Variants in CNTNAP2 observed in about 807,000 individuals in gnomAD.
CNTNAP2 encodes the protein contactin associated protein 2.
A neutral mutation model predicts 155.2 loss-of-function variants in CNTNAP2; 98 were observed. The ratio of observed to expected loss-of-function variants is 0.63; its 90% CI spans 0.54 to 0.75. The LOEUF is 0.75. Among genes scored for constraint, CNTNAP2 ranks in the 30% least tolerant of loss-of-function variants. The probability of loss-of-function intolerance (pLI) is 0.00; values close to 1 mark genes in which losing one functional copy is unlikely to be tolerated. For missense variants in CNTNAP2, 1,727 were observed against 1,688.1 expected, an observed-to-expected ratio of 1.02 and a Z score of -0.40; for synonymous variants, 651 against 631.2, an observed-to-expected ratio of 1.03 and a Z score of -0.47.
At position 147,569,753 on chromosome 7, in the gene CNTNAP2, A is replaced by C. The variant is rs1480996820; in HGVS notation, c.1897+7496A>C. On this transcript the variant is annotated intron_variant, in intron 12 of 23. Coordinates refer to ENST00000361727, the MANE Select transcript of CNTNAP2 (RefSeq NM_014141.6). Reference sequence around the variant, plus strand: ...TTATTAAGTGACACATGACTGTACTATTTTCCTTAGCAGTTTACAGTAATA... The same window carrying C: ...TTATTAAGTGACACATGACTGTACTCTTTTCCTTAGCAGTTTACAGTAATA... Among the ~76,000 whole-genome samples, 3 of 152,138 alleles carry C rather than the reference A, an allele frequency of 2.0e-5. No homozygotes were observed. In the East Asian group the frequency reaches 5.8e-4, roughly 29 times the overall value.
intron 1 of CNTNAP2, among the ~76,000 whole-genome samples, chr7:146,756,330 A>G (rs1204211402): frequency 6.6e-6 from 1 of 152,006 alleles, no homozygotes; most frequent in Non-Finnish European, 1.5e-5. Flanking sequence ...ATTTAAAAAG[A>G]ATTTTGTGTC....
At chr7:147,126,447 T>C (rs879849275) in intron 6 of CNTNAP2, among the ~76,000 whole-genome samples, 1 of 152,120 alleles carries the variant, frequency 6.6e-6, no homozygotes, top group Non-Finnish European at 1.5e-5. Context: ...GTCCAACCAG[T>C]TTATTTTACC....
chr7:148,357,943 GC>G lies in CNTNAP2; in HGVS notation c.3476-25703del, dbSNP rs557986252. Among the ~76,000 whole-genome samples, 77 of 152,280 alleles carry G rather than the reference GC, an allele frequency of 5.1e-4. No individual in the cohort carries two copies. The East Asian group carries it at 0.01, about 20-fold the overall frequency. On this transcript the variant is annotated intron_variant, in intron 21 of 23. Transcript: ENST00000361727. ...TGCTCATTTACTCCTGACCTGTGGG[GC>G]CCAGGTTCCAGGCCCTACACTATGT...
intron 1 of CNTNAP2, among the ~76,000 whole-genome samples, chr7:146,440,711 T>C (rs1796308615): frequency 6.6e-6 from 1 of 151,654 alleles, no homozygotes; most frequent in African/African-American, 2.4e-5. Flanking sequence ...TACTTAGTAC[T>C]GTTTGGTATT....
At chr7:146,892,487 T>C (rs1482925133) in intron 3 of CNTNAP2, among the ~76,000 whole-genome samples, 1 of 152,196 alleles carries the variant, frequency 6.6e-6, no homozygotes, top group Non-Finnish European at 1.5e-5. Flanking sequence ...TAATTTATTA[T>C]GATAATGTTA....
At chr7:146,232,680 A>G (rs972418631) in intron 1 of CNTNAP2, among the ~76,000 whole-genome samples, 1 of 152,120 alleles carries the variant, frequency 6.6e-6, no homozygotes, top group African/African-American at 2.4e-5. Context: ...CTATCTCTCT[A>G]ATAACCCTAT....
At chr7:146,991,765 A>G (rs897097933) in intron 3 of CNTNAP2, among the ~76,000 whole-genome samples, 1 of 152,188 alleles carries the variant, frequency 6.6e-6, no homozygotes, top group Non-Finnish European at 1.5e-5. Context: ...TCGTTGAACA[A>G]CAAAACTCAA....
intron 7 of CNTNAP2, 24 bp downstream of exon 7, chr7:147,128,860 A>G (rs780556123): frequency 1.9e-6 from 3 of 1,613,812 alleles, no homozygotes; most frequent in Non-Finnish European, 2.5e-6. Context: ...CCCGCAAAAT[A>G]TTGGTCTATA....
intron 3 of CNTNAP2, among the ~76,000 whole-genome samples, chr7:146,843,919 T>C (rs1415688968): frequency 6.6e-6 from 1 of 152,132 alleles, no homozygotes; most frequent in Non-Finnish European, 1.5e-5. Flanking sequence ...TTTTTGAAAT[T>C]GTTTTTACTA....
intron 13 of CNTNAP2, among the ~76,000 whole-genome samples, chr7:147,746,411 A>C (rs1797043389): frequency 6.6e-6 from 1 of 152,166 alleles, no homozygotes. Flanking sequence ...AATGAATCAC[A>C]CAGACGGAGC....
intron 1 of CNTNAP2, among the ~76,000 whole-genome samples, chr7:146,544,326 AT>A (rs1293843374): frequency 6.6e-6 from 1 of 151,994 alleles, no homozygotes; most frequent in East Asian, 1.9e-4. Context: ...CTATTTAGGC[AT>A]TTTACATTTT....
chr7:147,273,724 T>C (rs1804818166), intron 8 of CNTNAP2, among the ~76,000 whole-genome samples: 1 of 140,666 alleles, frequency 7.1e-6, no homozygotes, highest in Non-Finnish European at 1.5e-5. Context: ...TTCATCATTT[T>C]ATATATGTAA....
chr7:146,721,775 T>G lies in CNTNAP2; in HGVS notation c.98-52496T>G, dbSNP rs1180386890. ...ATTCTATATATAGTCTACATATATATTCTATATATAGTCTACATATATAGA... is the reference window on the plus strand; with the variant it reads ...ATTCTATATATAGTCTACATATATAGTCTATATATAGTCTACATATATAGA... On this transcript the variant is annotated intron_variant, in intron 1 of 23. Transcript: ENST00000361727. Among the ~76,000 whole-genome samples the G allele has an allele frequency of 7.1e-4, 89 of 125,898 alleles. 1 individual carries two copies. The highest frequency in any genetic ancestry group is 1.1e-3 in the Non-Finnish European group (71 of 63,354). 82.6% of individuals were successfully genotyped at this position (125,898 alleles called of 152,430 possible). A position where few individuals can be genotyped will look rare whatever the true frequency, so the allele number is the denominator to read the frequency against.
At chr7:147,032,983 T>C (rs1228782057) in intron 3 of CNTNAP2, among the ~76,000 whole-genome samples, 1 of 151,832 alleles carries the variant, frequency 6.6e-6, no homozygotes, top group Non-Finnish European at 1.5e-5. Context: ...TTTAAGATTT[T>C]ACTTTATTAA....
intron 20 of CNTNAP2, among the ~76,000 whole-genome samples, chr7:148,256,213 G>A (rs927028500): frequency 8.6e-5 from 13 of 152,020 alleles, no homozygotes; most frequent in African/African-American, 2.9e-4. Flanking sequence ...CACCAAAACC[G>A]GTCGAAGTTG....
At chr7:147,341,994 A>C (rs1795772663) in intron 9 of CNTNAP2, among the ~76,000 whole-genome samples, 1 of 152,162 alleles carries the variant, frequency 6.6e-6, no homozygotes, top group East Asian at 1.9e-4. Context: ...TAACTTCAAA[A>C]TCAGAGCACC....
At chr7:146,623,864 A>G (rs1799374567) in intron 1 of CNTNAP2, among the ~76,000 whole-genome samples, 1 of 152,168 alleles carries the variant, frequency 6.6e-6, no homozygotes, top group Non-Finnish European at 1.5e-5. Flanking sequence ...CGGCACAGCT[A>G]CTTTATAAGA....
At chr7:146,949,128 G>A (rs938314288) in intron 3 of CNTNAP2, among the ~76,000 whole-genome samples, 1 of 152,110 alleles carries the variant, frequency 6.6e-6, no homozygotes, top group African/African-American at 2.4e-5. Context: ...TTCATAATAG[G>A]TTCATCTTTG....
At chr7:147,617,640 A>C (rs1031634349) in intron 12 of CNTNAP2, among the ~76,000 whole-genome samples, 1 of 152,166 alleles carries the variant, frequency 6.6e-6, no homozygotes, top group Non-Finnish European at 1.5e-5. Flanking sequence ...CACTGAGTCA[A>C]AGAGATGCAG....
Sources: allele counts gnomAD v4.1 joint callset (sites outside exome capture counted in the v4.1 genomes callset), GRCh38; gene constraint gnomAD v4.1.1; transcripts MANE v1.5; gene names NCBI Gene and HGNC (gene_info 2026-07-23, HGNC 2026-07-21).